The following CAMKMT variants were observed in gnomAD, a reference collection of about 807,000 sequenced individuals.
CAMKMT encodes the protein CaM KMT.
A neutral mutation model predicts 48.0 loss-of-function variants in CAMKMT; 53 were observed. That is an observed-to-expected ratio of 1.10 (90% CI 0.89 to 1.39). CAMKMT has a LOEUF of 1.39. Among genes scored for constraint, CAMKMT ranks in the 40% most tolerant of loss-of-function variants. The pLI, the probability that CAMKMT is intolerant of heterozygous loss-of-function variation, is 0.00. For synonymous variants in CAMKMT, 165 were observed against 152.3 expected, an observed-to-expected ratio of 1.08 and a Z score of -0.61; for missense variants, 428 against 402.7, an observed-to-expected ratio of 1.06 and a Z score of -0.54.
intron 3 of CAMKMT, among the ~76,000 whole-genome samples, chr2:44,607,824 A>G (rs1041935278): frequency 6.6e-6 from 1 of 152,040 alleles, no homozygotes; most frequent in African/African-American, 2.4e-5. Flanking sequence ...TCATTACTTT[A>G]TTTTTAAAAA....
intron 3 of CAMKMT, among the ~76,000 whole-genome samples, chr2:44,659,421 AG>A (rs1674558253): frequency 6.6e-6 from 1 of 151,850 alleles, no homozygotes; most frequent in Admixed American, 6.6e-5. Flanking sequence ...AACAAGACCC[AG>A]TTTCAAGAAA....
chr2:44,540,242 T>C (rs769161095), intron 3 of CAMKMT, among the ~76,000 whole-genome samples: 30 of 152,220 alleles, frequency 2.0e-4, no homozygotes, highest in Non-Finnish European at 3.4e-4. Flanking sequence ...GCTTTCATTA[T>C]TTATTTTGAT....
intron 7 of CAMKMT, among the ~76,000 whole-genome samples, chr2:44,724,427 G>A (rs190169836): frequency 6.6e-6 from 1 of 152,182 alleles, no homozygotes; most frequent in African/African-American, 2.4e-5. Flanking sequence ...CATAAACCTT[G>A]CTGAAGCAAA....
At chr2:44,622,429 T>C (rs773390494) in intron 3 of CAMKMT, among the ~76,000 whole-genome samples, 16 of 152,230 alleles carry the variant, frequency 1.1e-4, no homozygotes, top group Non-Finnish European at 1.6e-4. Flanking sequence ...TGAAGTACAC[T>C]TGAACCCATC....
At chr2:44,726,018 A>T (rs1678765160) in intron 7 of CAMKMT, among the ~76,000 whole-genome samples, 1 of 152,204 alleles carries the variant, frequency 6.6e-6, no homozygotes. Flanking sequence ...TGCTGTGTCC[A>T]TTGTTCACAC....
At chr2:44,396,829 G>C (rs1312265992) in intron 3 of CAMKMT, among the ~76,000 whole-genome samples, 2 of 151,822 alleles carry the variant, frequency 1.3e-5, no homozygotes, top group Admixed American at 6.6e-5. Context: ...GGGAAGCCAA[G>C]GTGGGCGGAT....
chr2:44,384,420 C>T (rs1157552407), intron 2 of CAMKMT, among the ~76,000 whole-genome samples: 2 of 150,148 alleles, frequency 1.3e-5, no homozygotes, highest in Non-Finnish European at 3.0e-5. Flanking sequence ...CTCCCACTCT[C>T]TGGGTTGTCT....
intron 7 of CAMKMT, among the ~76,000 whole-genome samples, chr2:44,731,880 C>T (rs1299364788): frequency 6.6e-6 from 1 of 152,194 alleles, no homozygotes; most frequent in Non-Finnish European, 1.5e-5. Context: ...CTACAAAGCC[C>T]ATGCATTCTT....
At chr2:44,425,391 G>A (rs996667947) in intron 3 of CAMKMT, among the ~76,000 whole-genome samples, 1 of 152,042 alleles carries the variant, frequency 6.6e-6, no homozygotes, top group Non-Finnish European at 1.5e-5. Flanking sequence ...ATGGCTAAAA[G>A]AAGAGAAATA....
chr2:44,692,168 C>T (rs1676690686), intron 3 of CAMKMT, among the ~76,000 whole-genome samples: 2 of 151,956 alleles, frequency 1.3e-5, no homozygotes, highest in African/African-American at 2.4e-5. Flanking sequence ...CCTGAAAGTA[C>T]CATAAAAATG....
chr2:44,733,837 A>G (rs1017871378), intron 7 of CAMKMT, among the ~76,000 whole-genome samples: 60 of 152,256 alleles, frequency 3.9e-4, no homozygotes, highest in Non-Finnish European at 8.1e-4. Flanking sequence ...TATGTATATT[A>G]TGGACAACTT....
At chr2:44,771,806 A>G (rs1160046640) in intron 10 of CAMKMT, among the ~76,000 whole-genome samples, 1 of 152,146 alleles carries the variant, frequency 6.6e-6, no homozygotes, top group African/African-American at 2.4e-5. Context: ...CAGTTTGGGT[A>G]TTTATGAAAA....
At chr2:44,386,110 T>C (rs773928405) in intron 2 of CAMKMT, among the ~76,000 whole-genome samples, 63 of 152,034 alleles carry the variant, frequency 4.1e-4, no homozygotes, top group Non-Finnish European at 6.6e-4. Flanking sequence ...GTCCTGGACT[T>C]TTTTTTGTTG....
At chr2:44,590,498 T>C (rs1291655859) in intron 3 of CAMKMT, among the ~76,000 whole-genome samples, 7 of 152,354 alleles carry the variant, frequency 4.6e-5, no homozygotes, top group Admixed American at 4.6e-4. Flanking sequence ...TGCATTTCTC[T>C]GATGGCCAGT....
chr2:44,675,506 GGT>G (rs1675632410), intron 3 of CAMKMT, among the ~76,000 whole-genome samples: 1 of 151,726 alleles, frequency 6.6e-6, no homozygotes, highest in Non-Finnish European at 1.5e-5. Flanking sequence ...CTTCCTTTCT[GGT>G]AAGAGAGGAA....
At chr2:44,461,596 C>A (rs1667852700) in intron 3 of CAMKMT, among the ~76,000 whole-genome samples, 1 of 152,136 alleles carries the variant, frequency 6.6e-6, no homozygotes, top group South Asian at 2.1e-4. Context: ...TCTTGTTCAC[C>A]TCTAACTCTG....
chr2:44,560,847 A>C (rs1371327369), intron 3 of CAMKMT, among the ~76,000 whole-genome samples: 4 of 152,130 alleles, frequency 2.6e-5, no homozygotes, highest in African/African-American at 4.8e-5. Flanking sequence ...AGAACCCTGG[A>C]GTGTAATTTG....
At chr2:44,687,890 A>AT (rs1187125801) in intron 3 of CAMKMT, among the ~76,000 whole-genome samples, 1 of 152,244 alleles carries the variant, frequency 6.6e-6, no homozygotes, top group Non-Finnish European at 1.5e-5. Context: ...TATTGCCAAA[A>AT]TTCTTACACA....
intron 3 of CAMKMT, among the ~76,000 whole-genome samples, chr2:44,516,934 G>T (rs1670861117): frequency 6.6e-6 from 1 of 151,800 alleles, no homozygotes; most frequent in Non-Finnish European, 1.5e-5. Context: ...TGGAGATGGG[G>T]TTTCACCATG....
Sources: allele counts gnomAD v4.1 joint callset (sites outside exome capture counted in the v4.1 genomes callset), GRCh38; gene constraint gnomAD v4.1.1; transcripts MANE v1.5; gene names NCBI Gene and HGNC (gene_info 2026-07-23, HGNC 2026-07-21).